The following TCEAL4 variants were observed in gnomAD, a reference collection of about 807,000 sequenced individuals.
The protein encoded by TCEAL4 is transcription elongation factor A like 4.
TCEAL4 carries 1 observed loss-of-function variant against 1.3 expected under a neutral mutation model. The observed-to-expected ratio is 0.79, with a 90% CI of 0.28 to 3.76. The LOEUF (loss-of-function observed/expected upper bound fraction) is 3.76, where lower values mean the gene tolerates loss of function less well. Among genes scored for constraint, TCEAL4 ranks in the 30% most tolerant of loss-of-function variants. The pLI is 0.18. For missense variants in TCEAL4, 129 were observed against 154.7 expected, an observed-to-expected ratio of 0.83 and a Z score of 0.88; for synonymous variants, 54 against 50.7, an observed-to-expected ratio of 1.06 and a Z score of -0.28.
upstream of TCEAL4, among the ~76,000 whole-genome samples, chrX:103,583,838 T>C (rs2073519610): frequency 8.9e-6 from 1 of 112,490 alleles, no homozygotes; most frequent in African/African-American, 3.2e-5. Flanking sequence ...ATCCTGCACA[T>C]GTGCCCCTGA....
At chrX:103,580,458 A>C (rs910676963) in intron 2 of TCEAL4, among the ~76,000 whole-genome samples, 11 of 111,717 alleles carry the variant, frequency 9.8e-5, no homozygotes, top group African/African-American at 3.6e-4. Context: ...AATCTTTTTA[A>C]CATAAATTTT....
chrX:103,577,234 T>G, intron 2 of TCEAL4: 1 of 1,156,129 alleles, frequency 8.6e-7, no homozygotes. Flanking sequence ...GGATGCAATA[T>G]GCATATAGAT....
At chrX:103,586,449 C>T (rs982384513) in intron 2 of TCEAL4, 158 bp downstream of exon 2, 1 of 830,381 alleles carries the variant, frequency 1.2e-6, no homozygotes, top group African/African-American at 2.1e-5. Flanking sequence ...CAGAGCCTGT[C>T]AGGCAATGGC....
chrX:103,581,593 C>A (rs903985241), upstream of TCEAL4, among the ~76,000 whole-genome samples: 1 of 110,973 alleles, frequency 9.0e-6, no homozygotes, highest in African/African-American at 3.3e-5. Context: ...TAAACATATG[C>A]AAATCAATAA....
chrX:103,582,520 C>T (rs1207284747), upstream of TCEAL4, among the ~76,000 whole-genome samples: 1 of 112,041 alleles, frequency 8.9e-6, no homozygotes, highest in Non-Finnish European at 1.9e-5. Context: ...TACAAGGCTA[C>T]AGTAAACAAA....
upstream of TCEAL4, among the ~76,000 whole-genome samples, chrX:103,584,508 C>T (rs950070937): frequency 8.9e-6 from 1 of 111,942 alleles, no homozygotes; most frequent in Non-Finnish European, 1.9e-5. Context: ...CTACACTCTA[C>T]GATGTTCGCA....
upstream of TCEAL4, among the ~76,000 whole-genome samples, chrX:103,584,177 C>T (rs776358035): frequency 9.0e-6 from 1 of 111,292 alleles, no homozygotes; most frequent in African/African-American, 3.3e-5. Flanking sequence ...ATCCACCCGC[C>T]TCAGCTTCCC....
At chrX:103,577,655 TTC>T (rs1438031648) in intron 2 of TCEAL4, among the ~76,000 whole-genome samples, 5 of 111,734 alleles carry the variant, frequency 4.5e-5, no homozygotes, top group Non-Finnish European at 9.4e-5. Flanking sequence ...TTAATTCAAG[TTC>T]TTAGAATAAA....
chrX:103,587,280 G>T lies in TCEAL4; in HGVS notation c.605G>T (p.Cys202Phe). The change falls in exon 3 of 3, where the codon TGC (cysteine) becomes TTC (phenylalanine). Residue 202 changes from cysteine (C) to phenylalanine (F), a missense_variant. Physicochemically the swap from Cys to Phe is radical, Grantham distance 205. Transcript: ENST00000472484. ...PRGPREFRGG[C>F]RAPRRDIEDI... ...GGTCCAAGGGAATTCAGGGGTGGCT[G>T]CAGGGCCCCACGAAGGGACATTGAA... The T allele has an allele frequency of 2.5e-6, 3 of 1,194,357 alleles. No homozygotes were observed. In the East Asian group the frequency reaches 8.9e-5, roughly 35 times the overall value.
At chrX:103,586,159 C>T (rs2073543623) in intron 1 of TCEAL4, 60 bp from the exon 2 acceptor site, 1 of 1,158,147 alleles carries the variant, frequency 8.6e-7, no homozygotes, top group Non-Finnish European at 1.2e-6. Context: ...GAAAGGGAAC[C>T]GCGTCCGTGT....
chrX:103,582,625 T>G (rs1384062143), upstream of TCEAL4, among the ~76,000 whole-genome samples: 1 of 111,928 alleles, frequency 8.9e-6, no homozygotes, highest in East Asian at 2.8e-4. Flanking sequence ...TATCTGATCT[T>G]CAATAAATCT....
chrX:103,585,653 G>A, intron 1 of TCEAL4, 29 bp downstream of exon 1: 1 of 1,165,510 alleles, frequency 8.6e-7, no homozygotes, highest in Non-Finnish European at 1.1e-6. Flanking sequence ...CACGCTGCCA[G>A]CGGAACACTG....
In TCEAL4 at chrX:103,586,285, C is replaced by T. The variant is rs1169610431; in HGVS notation, c.-34C>T. On this transcript the variant is annotated 5_prime_UTR_variant, in exon 2 of 3. Coordinates refer to ENST00000472484, the MANE Select transcript of TCEAL4 (RefSeq NM_001006935.3). Reference sequence around the variant, plus strand: ...AAGGAGGAGCAACCTGTCCAGAATCCCCGCAGGTCCGTGAAAGTACGGGGC... The same window carrying T: ...AAGGAGGAGCAACCTGTCCAGAATCTCCGCAGGTCCGTGAAAGTACGGGGC... 9 of 1,165,277 alleles carry T rather than the reference C, an allele frequency of 7.7e-6. No homozygotes were observed. The African/African-American group carries it at 1.4e-4, about 19-fold the overall frequency.
At chrX:103,579,616 T>C (rs1039669889) in intron 2 of TCEAL4, among the ~76,000 whole-genome samples, 1 of 112,391 alleles carries the variant, frequency 8.9e-6, no homozygotes, top group Non-Finnish European at 1.9e-5. Flanking sequence ...TGTATATCAA[T>C]CATATATTCA....
intron 1 of TCEAL4, chrX:103,585,879 T>C: frequency 9.5e-7 from 1 of 1,053,603 alleles, no homozygotes; most frequent in Non-Finnish European, 1.2e-6. Context: ...TTCTCTGCCC[T>C]CCGTCCATTT....
chrX:103,585,415 G>A, upstream of TCEAL4: 2 of 1,015,900 alleles, frequency 2.0e-6, no homozygotes, highest in East Asian at 3.7e-5. Flanking sequence ...AGGGAGGTAA[G>A]AGGGTACCTG....
chrX:103,580,623 A>C (rs1754104283), upstream of TCEAL4, among the ~76,000 whole-genome samples: 1 of 110,924 alleles, frequency 9.0e-6, no homozygotes, highest in Non-Finnish European at 1.9e-5. Context: ...CACTGGGCTA[A>C]ATTTTGTAAT....
upstream of TCEAL4, chrX:103,585,513 C>T (rs1222968565): frequency 4.4e-6 from 5 of 1,134,979 alleles, no homozygotes; most frequent in Non-Finnish European, 5.9e-6. Context: ...TTCACGTGAT[C>T]TGCACGGGCG....
chrX:103,580,850 C>T (rs1384460135), upstream of TCEAL4, among the ~76,000 whole-genome samples: 1 of 111,429 alleles, frequency 9.0e-6, no homozygotes, highest in Admixed American at 9.6e-5. Context: ...CAAGAGCAAA[C>T]AAACCCTAAA....
Sources: gnomAD v4.1 joint callset for allele counts (sites outside exome capture counted in the v4.1 genomes callset) on GRCh38, gnomAD v4.1.1 for gene constraint, MANE v1.5 for transcripts, NCBI Gene and HGNC (gene_info 2026-07-23, HGNC 2026-07-21) for gene names.